The following RELN variants were observed in gnomAD, a reference collection of about 807,000 sequenced individuals.
RELN encodes the protein reelin.
Under a neutral mutation model 427.6 loss-of-function variants are expected in RELN, and 108 were observed. That is an observed-to-expected ratio of 0.25 (90% CI 0.22 to 0.30). RELN has a LOEUF of 0.30. RELN is among the 10% of genes least tolerant of loss of function. RELN has a pLI of 1.00. For missense variants in RELN, 3,715 were observed against 4,302.8 expected (o/e 0.86, Z 3.82); for synonymous variants, 1,524 against 1,513.4 (o/e 1.01, Z -0.16).
intron 2 of RELN, among the ~76,000 whole-genome samples, chr7:103,900,193 A>G (rs1403888215): frequency 6.6e-6 from 1 of 152,164 alleles, no homozygotes; most frequent in Non-Finnish European, 1.5e-5. Context: ...ACTCCCATTC[A>G]CAATTGCTAC....
intron 63 of RELN, among the ~76,000 whole-genome samples, chr7:103,480,515 A>G (rs774366732): frequency 2.0e-5 from 3 of 152,192 alleles, no homozygotes; most frequent in African/African-American, 4.8e-5. Context: ...TGGTGTAGAA[A>G]TGTTACACTC....
In RELN at chr7:103,603,293, G is replaced by A; in HGVS notation, c.3333+11C>T. The stretch of plus-strand genomic sequence containing the variant: ...ATTGCCCCGATGACTTATCCCAGCT[G>A]TTGGTCATACCTTGCTGAAGTACAG... On this transcript the variant is annotated intron_variant, in intron 24 of 64. Transcript: ENST00000428762. This position sits in a 1 kb window ranked among gnomAD's most constrained non-coding sequence, Gnocchi z 4.3. 1 of 1,609,354 alleles carries A rather than the reference G, an allele frequency of 6.2e-7. No homozygotes were observed. Among genetic ancestry groups the A allele is most frequent in the Non-Finnish European group, 8.5e-7 (1 of 1,175,762 alleles).
intron 4 of RELN, among the ~76,000 whole-genome samples, chr7:103,772,119 A>G (rs1027149690): frequency 6.6e-6 from 1 of 152,080 alleles, no homozygotes; most frequent in Non-Finnish European, 1.5e-5. Flanking sequence ...TATCTATCAG[A>G]CTATTGTAGT....
intron 3 of RELN, among the ~76,000 whole-genome samples, chr7:103,829,484 A>T (rs894130891): frequency 1.3e-5 from 2 of 152,000 alleles, no homozygotes; most frequent in African/African-American, 2.4e-5. Flanking sequence ...AACAAACCAT[A>T]TTGCCACAGG....
At chr7:103,869,767 T>C (rs1343424966) in intron 2 of RELN, among the ~76,000 whole-genome samples, 2 of 152,206 alleles carry the variant, frequency 1.3e-5, no homozygotes, top group African/African-American at 2.4e-5. Context: ...GCTGAGCTTC[T>C]TGAATTTGCA....
intron 1 of RELN, among the ~76,000 whole-genome samples, chr7:103,918,593 T>A (rs1212728195): frequency 3.3e-5 from 5 of 152,294 alleles, no homozygotes; most frequent in African/African-American, 1.2e-4. Flanking sequence ...CACTGATATA[T>A]CTCGAGTGTC....
Position 103,930,535 on chromosome 7 carries a change from G to A in RELN, c.227-13350C>T, listed in dbSNP as rs545696960. Among the ~76,000 whole-genome samples the A allele has an allele frequency of 1.2e-3, 178 of 152,084 alleles. 2 individuals are homozygous for A. Among genetic ancestry groups the A allele is most frequent in the South Asian group, 3.3e-3 (16 of 4,810 alleles). On this transcript the variant is annotated intron_variant, in intron 1 of 64. Coordinates refer to ENST00000428762, the MANE Select transcript of RELN (RefSeq NM_005045.4). ...GACTGGAGGGCAGTGGCACAATCAA[G>A]GATCATCACAGCCTCAAACTCCTGG...
chr7:103,510,730 T>C, intron 51 of RELN, 121 bp downstream of exon 51: 1 of 789,516 alleles, frequency 1.3e-6, no homozygotes, highest in Non-Finnish European at 2.2e-6. Flanking sequence ...AGTTTAATAG[T>C]AAATTTTACT....
Position 103,540,315 on chromosome 7 carries a change from T to A in RELN, c.6812A>T (p.Asn2271Ile). ...CTCCAGGGCAATGTACCTGCCCACA[T>A]TGCTGGAATTGCTGAAAAGGAACTC... Reference protein sequence around the residue: ...LQEFLFSNSSNVGRYIALEIP... With the variant: ...LQEFLFSNSSIVGRYIALEIP... The change falls in exon 44 of 65, where the codon AAT (asparagine) becomes ATT (isoleucine). Residue 2271 changes from asparagine (N) to isoleucine (I), a missense_variant. By Grantham distance (149) the Asn-to-Ile change is moderately radical (BLOSUM62 -3). Around this residue, in one of 4 missense-constraint regions of RELN, gnomAD observed 1,310 missense variants for 1,643.0 expected, o/e 0.80. Coordinates refer to ENST00000428762, the MANE Select transcript of RELN (RefSeq NM_005045.4). 6.2e-7 allele frequency: 1 copy of A among 1,614,128 alleles called. No individual in the cohort carries two copies. The highest frequency in any genetic ancestry group is 8.5e-7 in the Non-Finnish European group (1 of 1,180,008).
At chr7:103,482,202 C>T (rs1828265777) in intron 63 of RELN, 1 of 152,398 alleles carries the variant, frequency 6.6e-6, no homozygotes, top group African/African-American at 2.4e-5. Context: ...AGATTCACCT[C>T]TCCTTGCCAA....
At chr7:103,651,901 A>C (rs1426717295) in intron 14 of RELN, 112 bp from the exon 15 acceptor site, 1 of 1,163,168 alleles carries the variant, frequency 8.6e-7, no homozygotes, top group African/African-American at 1.6e-5. Flanking sequence ...AACAGTGTAA[A>C]ATTTTTTAAA....
chr7:103,478,997 C>T (rs770496697), intron 63 of RELN, among the ~76,000 whole-genome samples: 2 of 152,138 alleles, frequency 1.3e-5, no homozygotes, highest in African/African-American at 2.4e-5. Context: ...TAGTTAGCAA[C>T]ATAAGGTTTG....
rs573080579 is a variant in RELN at position 103,760,505 on chromosome 7, C to T, written c.545-7291G>A. Among the ~76,000 whole-genome samples the T allele has an allele frequency of 1.7e-3, 255 of 152,122 alleles. 2 individuals are homozygous for T. Among genetic ancestry groups the T allele is most frequent in the African/African-American group, 5.8e-3 (239 of 41,508 alleles). ...AGCAGCACTAATACACTTCAGCCAA[C>T]TTGTTGAACAAATTACTCAGTGCAA... On this transcript the variant is annotated intron_variant, in intron 4 of 64. Transcript: ENST00000428762.
chr7:103,600,585 A>G (rs1306573690), intron 24 of RELN, among the ~76,000 whole-genome samples: 1 of 152,142 alleles, frequency 6.6e-6, no homozygotes, highest in Non-Finnish European at 1.5e-5. Flanking sequence ...CACCAGCCCC[A>G]TTTAAGCCCT....
intron 47 of RELN, among the ~76,000 whole-genome samples, chr7:103,522,881 G>A (rs1436217062): frequency 1.6e-5 from 1 of 64,154 alleles, no homozygotes; most frequent in African/African-American, 1.1e-4. Flanking sequence ...ATTATTCCAA[G>A]TATACTGAGG....
intron 4 of RELN, among the ~76,000 whole-genome samples, chr7:103,767,044 G>A (rs1791441098): frequency 6.6e-6 from 1 of 152,210 alleles, no homozygotes; most frequent in Non-Finnish European, 1.5e-5. Context: ...ATCAATGTGT[G>A]TGTTTGAAGA....
intron 4 of RELN, among the ~76,000 whole-genome samples, chr7:103,755,347 G>T (rs28481273): frequency 6.6e-6 from 1 of 151,850 alleles, no homozygotes; most frequent in South Asian, 2.1e-4. Flanking sequence ...AGTGGCTCAC[G>T]CCTGTAATCC....
At chr7:103,931,109 C>A (rs1370776654) in intron 1 of RELN, among the ~76,000 whole-genome samples, 2 of 152,034 alleles carry the variant, frequency 1.3e-5, no homozygotes, top group African/African-American at 2.4e-5. Flanking sequence ...TCAGTGCATC[C>A]TTAACTTTTA....
chr7:103,894,156 A>G (rs184834028), intron 2 of RELN, among the ~76,000 whole-genome samples: 14 of 152,266 alleles, frequency 9.2e-5, no homozygotes, highest in African/African-American at 3.4e-4. Flanking sequence ...CATTCTTCAT[A>G]TCTACCAATC....
Sources: gnomAD v4.1 joint callset for allele counts (sites outside exome capture counted in the v4.1 genomes callset) on GRCh38, gnomAD v4.1.1 for gene constraint, gnomAD v4.1.1 regional missense constraint, Gnocchi (gnomAD v3.1) non-coding constraint, MANE v1.5 for transcripts, NCBI Gene and HGNC (gene_info 2026-07-23, HGNC 2026-07-21) for gene names.